KIAA1217: variants seen among roughly 807,000 people sequenced by gnomAD.
KIAA1217 encodes the protein KIAA1217.
KIAA1217 carries 88 observed loss-of-function variants against 163.9 expected under a neutral mutation model. The observed-to-expected ratio is 0.54, with a 90% CI of 0.45 to 0.64. KIAA1217 has a LOEUF of 0.64. Among genes scored for constraint, KIAA1217 ranks in the 30% least tolerant of loss-of-function variants. KIAA1217 has a pLI of 0.00. For synonymous variants in KIAA1217, 903 were observed against 923.1 expected (o/e 0.98, Z 0.39); for missense variants, 2,372 against 2,475.0 (o/e 0.96, Z 0.88).
intron 2 of KIAA1217, among the ~76,000 whole-genome samples, chr10:24,060,958 T>A (rs1447178406): frequency 6.6e-6 from 1 of 152,258 alleles, no homozygotes; most frequent in Non-Finnish European, 1.5e-5. Flanking sequence ...TCATTTGTTG[T>A]AAAAGGTTGC....
intron 2 of KIAA1217, among the ~76,000 whole-genome samples, chr10:24,357,647 G>C (rs536357499): frequency 1.3e-5 from 2 of 152,182 alleles, no homozygotes; most frequent in African/African-American, 4.8e-5. Context: ...TTCTTGGGGG[G>C]TTCTGAGTAT....
intron 1 of KIAA1217, among the ~76,000 whole-genome samples, chr10:23,876,630 C>T (rs750152086): frequency 6.6e-6 from 1 of 151,922 alleles, no homozygotes; most frequent in South Asian, 2.1e-4. Context: ...GGGCCATACA[C>T]ACATCTTCTA....
intron 1 of KIAA1217, among the ~76,000 whole-genome samples, chr10:23,931,310 A>G (rs1301590294): frequency 6.6e-6 from 1 of 151,882 alleles, no homozygotes; most frequent in East Asian, 1.9e-4. Context: ...CCTTGATCGC[A>G]TAACCAGGAA....
At chr10:24,138,083 C>A (rs1233107825) in intron 2 of KIAA1217, among the ~76,000 whole-genome samples, 1 of 152,024 alleles carries the variant, frequency 6.6e-6, no homozygotes. Context: ...TTCTTTCCAA[C>A]CTTAGTATTA....
intron 2 of KIAA1217, among the ~76,000 whole-genome samples, chr10:24,058,657 G>C (rs1051458483): frequency 6.6e-6 from 1 of 151,970 alleles, no homozygotes; most frequent in Non-Finnish European, 1.5e-5. Flanking sequence ...TATTGTAAAT[G>C]GGATAAATTT....
chr10:24,442,510 C>T (rs1371767989), intron 5 of KIAA1217, among the ~76,000 whole-genome samples: 2 of 152,194 alleles, frequency 1.3e-5, no homozygotes, highest in South Asian at 4.1e-4. Flanking sequence ...TGTTCAGCTT[C>T]TAAGTGTCTT....
intron 2 of KIAA1217, among the ~76,000 whole-genome samples, chr10:24,288,267 A>T (rs1038757809): frequency 6.6e-6 from 1 of 152,236 alleles, no homozygotes; most frequent in African/African-American, 2.4e-5. Context: ...ATGTCAAAGT[A>T]TCTCACCATT....
chr10:24,450,721 G>C (rs997551607), intron 5 of KIAA1217, among the ~76,000 whole-genome samples: 3 of 152,214 alleles, frequency 2.0e-5, no homozygotes, highest in Admixed American at 1.3e-4. Flanking sequence ...CTATGGAATA[G>C]GTACTATTAC....
At chr10:23,883,502 A>T (rs1841041631) in intron 1 of KIAA1217, among the ~76,000 whole-genome samples, 1 of 151,930 alleles carries the variant, frequency 6.6e-6, no homozygotes. Context: ...GTTCATAGCA[A>T]AACTGAGTAG....
chr10:23,850,650 A>G (rs941477211), intron 1 of KIAA1217, among the ~76,000 whole-genome samples: 2 of 152,164 alleles, frequency 1.3e-5, no homozygotes, highest in African/African-American at 4.8e-5. Context: ...AAATAAATTA[A>G]CAAATCTCAG....
chr10:23,975,068 A>G (rs764679579), intron 1 of KIAA1217, among the ~76,000 whole-genome samples: 3 of 152,156 alleles, frequency 2.0e-5, no homozygotes, highest in Non-Finnish European at 4.4e-5. Context: ...TCAGTGATTT[A>G]TACAGCTGAT....
chr10:24,091,013 T>C (rs771343838), intron 2 of KIAA1217, among the ~76,000 whole-genome samples: 86 of 151,896 alleles, frequency 5.7e-4, no homozygotes, highest in Non-Finnish European at 9.4e-4. Context: ...AGAAAGTACA[T>C]TTTCTGACTT....
intron 3 of KIAA1217, among the ~76,000 whole-genome samples, chr10:24,383,721 G>C (rs2053624228): frequency 6.6e-6 from 1 of 152,216 alleles, no homozygotes; most frequent in Non-Finnish European, 1.5e-5. Context: ...TCTTGCCAAA[G>C]CCAAGGGAAG....
At position 23,883,644 on chromosome 10, in the gene KIAA1217, G is replaced by A. The variant is rs138900077; in HGVS notation, c.-320-123581G>A. The stretch of plus-strand genomic sequence containing the variant: ...CATTGACACATCATTCTCACCCAGA[G>A]TTTATCTTAGGCTTCACCCTTCGTT... On this transcript the variant is annotated intron_variant, in intron 1 of 18. Transcript: ENST00000376462. Among the ~76,000 whole-genome samples the A allele has an allele frequency of 2.5e-3, 374 of 151,978 alleles. 1 individual carries two copies. Among genetic ancestry groups the A allele is most frequent in the African/African-American group, 8.7e-3 (360 of 41,518 alleles).
chr10:24,499,314 CT>C (rs2133905068), intron 8 of KIAA1217, among the ~76,000 whole-genome samples: 1 of 152,282 alleles, frequency 6.6e-6, no homozygotes, highest in African/African-American at 2.4e-5. Flanking sequence ...GGAGAATATC[CT>C]TTTGAACAAC....
At chr10:23,849,467 G>T (rs150128734) in intron 1 of KIAA1217, among the ~76,000 whole-genome samples, 2 of 152,112 alleles carry the variant, frequency 1.3e-5, no homozygotes, top group Non-Finnish European at 2.9e-5. Flanking sequence ...ACCTGGAGTG[G>T]CACCTGATTG....
intron 2 of KIAA1217, among the ~76,000 whole-genome samples, chr10:24,157,629 G>A (rs1253529054): frequency 6.6e-6 from 1 of 152,086 alleles, no homozygotes; most frequent in East Asian, 1.9e-4. Flanking sequence ...AGATATATCT[G>A]AGAGAAGATA....
At chr10:24,305,362 T>C (rs764412879) in intron 2 of KIAA1217, among the ~76,000 whole-genome samples, 1 of 152,172 alleles carries the variant, frequency 6.6e-6, no homozygotes, top group Non-Finnish European at 1.5e-5. Flanking sequence ...ATCTCAAGCT[T>C]CTTTTTATAT....
At chr10:24,107,025 A>C (rs1589521996) in intron 2 of KIAA1217, among the ~76,000 whole-genome samples, 1 of 151,850 alleles carries the variant, frequency 6.6e-6, no homozygotes, top group African/African-American at 2.4e-5. Context: ...TTCAATCCTC[A>C]CCCTCCTCCC....
Sources: gnomAD v4.1 joint callset for allele counts (sites outside exome capture counted in the v4.1 genomes callset) on GRCh38, gnomAD v4.1.1 for gene constraint, MANE v1.5 for transcripts, NCBI Gene and HGNC (gene_info 2026-07-23, HGNC 2026-07-21) for gene names.